Variants in CNTN5 observed in about 807,000 individuals in gnomAD.
CNTN5 encodes contactin-5.
In CNTN5, 77 loss-of-function variants were observed where a neutral mutation model predicts 129.1. The observed-to-expected ratio is 0.60, with a 90% CI of 0.50 to 0.72. The LOEUF (loss-of-function observed/expected upper bound fraction) is 0.72, where lower values mean the gene tolerates loss of function less well. Among genes scored for constraint, CNTN5 ranks in the 30% least tolerant of loss-of-function variants. CNTN5 has a pLI of 0.00. For synonymous variants in CNTN5, 509 were observed against 465.6 expected, an observed-to-expected ratio of 1.09 and a Z score of -1.20; for missense variants, 1,478 against 1,328.8, an observed-to-expected ratio of 1.11 and a Z score of -1.75.
chr11:99,862,094 A>G (rs777303840), intron 6 of CNTN5, among the ~76,000 whole-genome samples: 7 of 152,000 alleles, frequency 4.6e-5, no homozygotes, highest in Admixed American at 6.5e-5. Context: ...AAATATGGAT[A>G]AGACTAAATG....
At chr11:100,322,808 C>A (rs1167822212) in intron 21 of CNTN5, among the ~76,000 whole-genome samples, 1 of 151,822 alleles carries the variant, frequency 6.6e-6, no homozygotes. Context: ...TTTAACTTAT[C>A]CTGTATTTAA....
intron 13 of CNTN5, among the ~76,000 whole-genome samples, chr11:100,077,880 C>A (rs957762736): frequency 6.7e-6 from 1 of 149,750 alleles, no homozygotes; most frequent in East Asian, 1.9e-4. Flanking sequence ...TTTAAAAAAA[C>A]AAAATACGTC....
chr11:99,554,009 C>T (rs990535403), intron 2 of CNTN5, among the ~76,000 whole-genome samples: 3 of 139,102 alleles, frequency 2.2e-5, no homozygotes, highest in Admixed American at 7.1e-5. Context: ...CACACACACA[C>T]ACTTCTTCTT....
At chr11:99,290,849 G>A (rs370873548) in intron 1 of CNTN5, among the ~76,000 whole-genome samples, 1 of 151,874 alleles carries the variant, frequency 6.6e-6, no homozygotes, top group Non-Finnish European at 1.5e-5. Context: ...TCTAACTTTT[G>A]CTGGTTTCAT....
At chr11:100,091,421 A>ATTCTTTTTTTTTTTTTTTTTTTTTT (rs1565231606) in intron 13 of CNTN5, among the ~76,000 whole-genome samples, 6 of 105,596 alleles carry the variant, frequency 5.7e-5, no homozygotes, top group Non-Finnish European at 1.2e-4. Flanking sequence ...TTTTTTATTT[A>ATTCTTTTTTTTTTTTTTTTTTTTTT]TTCTTTTTTT....
chr11:99,756,631 A>G (rs1305275459), intron 3 of CNTN5, among the ~76,000 whole-genome samples: 1 of 152,084 alleles, frequency 6.6e-6, no homozygotes, highest in Non-Finnish European at 1.5e-5. Flanking sequence ...ATCTTTGAAC[A>G]TTTACAAAGA....
intron 1 of CNTN5, among the ~76,000 whole-genome samples, chr11:99,196,339 G>A (rs1478238318): frequency 1.3e-5 from 2 of 151,750 alleles, no homozygotes; most frequent in East Asian, 1.9e-4. Context: ...AAAAACAATT[G>A]TAAATATTTG....
Position 99,671,972 on chromosome 11 carries a change from G to A in CNTN5, c.55+115703G>A, listed in dbSNP as rs750553777. ...CGTTGCAGGTGTGCGTGTGAAAAAT[G>A]TTACTTTCCTTGTAATCATTCTCCA... On this transcript the variant is annotated intron_variant, in intron 3 of 24. Transcript: ENST00000524871. Among the ~76,000 whole-genome samples the A allele has an allele frequency of 5.9e-5, 9 of 152,092 alleles. 1 individual carries two copies. The highest frequency in any genetic ancestry group is 1.3e-4 in the Non-Finnish European group (9 of 68,000).
intron 18 of CNTN5, among the ~76,000 whole-genome samples, chr11:100,281,981 C>A (rs943136933): frequency 2.8e-5 from 4 of 141,852 alleles, no homozygotes; most frequent in South Asian, 2.3e-4. Flanking sequence ...ATTCTGAATT[C>A]TTTCTTGGCA....
chr11:99,849,337 A>T (rs1162609140), intron 6 of CNTN5, among the ~76,000 whole-genome samples: 1 of 151,576 alleles, frequency 6.6e-6, no homozygotes, highest in African/African-American at 2.4e-5. Flanking sequence ...CTTTTTGCAG[A>T]TTCAACATAT....
chr11:99,745,718 A>G (rs1944033530), intron 3 of CNTN5, among the ~76,000 whole-genome samples: 1 of 106,524 alleles, frequency 9.4e-6, no homozygotes, highest in Non-Finnish European at 2.0e-5. Flanking sequence ...CTTGTATATG[A>G]CCTGAAGACA....
chr11:99,888,418 A>G (rs112683966), intron 6 of CNTN5, among the ~76,000 whole-genome samples: 23 of 152,268 alleles, frequency 1.5e-4, no homozygotes, highest in African/African-American at 4.8e-4. Flanking sequence ...CTCTAACAAT[A>G]TGTTAACTTA....
intron 13 of CNTN5, among the ~76,000 whole-genome samples, chr11:100,181,011 A>G (rs1426727895): frequency 6.6e-6 from 1 of 152,048 alleles, no homozygotes; most frequent in African/African-American, 2.4e-5. Flanking sequence ...TTACGAAACT[A>G]CATATGCAAT....
At chr11:99,202,874 G>A (rs2135636390) in intron 1 of CNTN5, among the ~76,000 whole-genome samples, 1 of 151,728 alleles carries the variant, frequency 6.6e-6, no homozygotes, top group South Asian at 2.1e-4. Flanking sequence ...CCATATGTTT[G>A]AAAATATTTT....
chr11:99,178,053 C>T lies in CNTN5; in HGVS notation c.-209-147293C>T, dbSNP rs531698682. 8.5e-5 allele frequency among the ~76,000 whole-genome samples: 13 copies of T among 152,142 alleles called. No homozygotes were observed. In the South Asian group the frequency reaches 1.0e-3, roughly 12 times the overall value. The stretch of plus-strand genomic sequence containing the variant: ...CCTGCTATGTTGTAATATATTAAAA[C>T]ACTATCGATTATGTAACCGTACATG... On this transcript the variant is annotated intron_variant, in intron 1 of 24. Coordinates refer to ENST00000524871, the MANE Select transcript of CNTN5 (RefSeq NM_014361.4).
chr11:99,427,952 C>T (rs1015091102), intron 2 of CNTN5, among the ~76,000 whole-genome samples: 4 of 151,872 alleles, frequency 2.6e-5, no homozygotes, highest in African/African-American at 9.7e-5. Flanking sequence ...CCAACTTAAT[C>T]ACGTAAAACT....
intron 4 of CNTN5, among the ~76,000 whole-genome samples, chr11:99,839,937 T>C (rs1390370069): frequency 6.6e-6 from 1 of 151,856 alleles, no homozygotes; most frequent in African/African-American, 2.4e-5. Context: ...GAGAAATAAA[T>C]TTTCCTGAAA....
At chr11:100,349,130 G>C (rs1361327483) in intron 23 of CNTN5, among the ~76,000 whole-genome samples, 1 of 151,740 alleles carries the variant, frequency 6.6e-6, no homozygotes, top group African/African-American at 2.4e-5. Flanking sequence ...ACATGAAGTA[G>C]ATTTAAAATT....
chr11:100,280,343 T>G (rs1950609217), intron 18 of CNTN5, among the ~76,000 whole-genome samples: 1 of 152,038 alleles, frequency 6.6e-6, no homozygotes, highest in East Asian at 1.9e-4. Flanking sequence ...ATATTTCCTG[T>G]GTATATCTGG....
Sources: gnomAD v4.1 joint callset for allele counts (sites outside exome capture counted in the v4.1 genomes callset) on GRCh38, gnomAD v4.1.1 for gene constraint, MANE v1.5 for transcripts, NCBI Gene and HGNC (gene_info 2026-07-23, HGNC 2026-07-21) for gene names.